SAMD3: variants seen among roughly 807,000 people sequenced by gnomAD.
The protein encoded by SAMD3 is sterile alpha motif domain containing 3.
In SAMD3, 63 loss-of-function variants were observed where a neutral mutation model predicts 58.5. That is an observed-to-expected ratio of 1.08 (90% CI 0.88 to 1.33). The LOEUF (loss-of-function observed/expected upper bound fraction) is 1.33, where lower values mean the gene tolerates loss of function less well. SAMD3 is among the 40% of genes most tolerant of loss of function. SAMD3 has a pLI of 0.00. For synonymous variants in SAMD3, 220 were observed against 210.3 expected, an observed-to-expected ratio of 1.05 and a Z score of -0.40; for missense variants, 604 against 608.4, an observed-to-expected ratio of 0.99 and a Z score of 0.08.
chr6:130,173,722 C>G (rs1470848415), intron 8 of SAMD3, among the ~76,000 whole-genome samples: 3 of 152,230 alleles, frequency 2.0e-5, no homozygotes, highest in Non-Finnish European at 1.5e-5. Context: ...GGGAGAATCC[C>G]TCTTGTCAGA....
intron 1 of SAMD3, among the ~76,000 whole-genome samples, chr6:130,332,472 A>G (rs1776963514): frequency 6.6e-6 from 1 of 152,200 alleles, no homozygotes; most frequent in Admixed American, 6.5e-5. Flanking sequence ...AAGGTGTCAG[A>G]AGTGGGACTG....
chr6:130,267,078 TAC>T (rs1161001522), intron 2 of SAMD3, among the ~76,000 whole-genome samples: 1 of 152,230 alleles, frequency 6.6e-6, no homozygotes, highest in Admixed American at 6.5e-5. Context: ...GACTACTTGC[TAC>T]TGGCTGAAGG....
At chr6:130,199,025 G>A (rs935377000) in intron 5 of SAMD3, among the ~76,000 whole-genome samples, 1 of 152,174 alleles carries the variant, frequency 6.6e-6, no homozygotes, top group African/African-American at 2.4e-5. Flanking sequence ...TTGAGGAACT[G>A]TGATATTTTC....
chr6:130,276,971 A>G (rs1774797775), intron 2 of SAMD3, among the ~76,000 whole-genome samples: 1 of 152,182 alleles, frequency 6.6e-6, no homozygotes, highest in African/African-American at 2.4e-5. Context: ...AAGTAGAGCC[A>G]GTTGGTCACC....
At chr6:130,147,612 T>TA (rs35932879) in intron 9 of SAMD3, among the ~76,000 whole-genome samples, 37,105 of 152,142 alleles carry the variant, frequency 0.24, 4,998 homozygotes, top group East Asian at 0.54. Flanking sequence ...GAGCTGTAGA[T>TA]ACAATGCCCC....
intron 5 of SAMD3, among the ~76,000 whole-genome samples, chr6:130,197,152 C>T (rs967189876): frequency 2.0e-5 from 3 of 152,232 alleles, no homozygotes; most frequent in African/African-American, 7.2e-5. Flanking sequence ...CCTCAGAATG[C>T]TACAAGGTAC....
chr6:130,274,023 C>T (rs1057397156), intron 2 of SAMD3, among the ~76,000 whole-genome samples: 1 of 152,132 alleles, frequency 6.6e-6, no homozygotes, highest in African/African-American at 2.4e-5. Context: ...CTTCAGCATC[C>T]TTTTATTTCA....
chr6:130,170,573 C>T (rs765408991), intron 8 of SAMD3, among the ~76,000 whole-genome samples: 1 of 152,176 alleles, frequency 6.6e-6, no homozygotes, highest in Non-Finnish European at 1.5e-5. Context: ...CTCTTCCTAT[C>T]CATGAGCATG....
chr6:130,155,884 T>G (rs1251751669), intron 8 of SAMD3, among the ~76,000 whole-genome samples: 13 of 152,128 alleles, frequency 8.5e-5, no homozygotes. Flanking sequence ...AAAATAAAAT[T>G]ATCAAAATTA....
At chr6:130,313,588 C>T (rs538021995) in intron 1 of SAMD3, among the ~76,000 whole-genome samples, 1 of 152,190 alleles carries the variant, frequency 6.6e-6, no homozygotes, top group Non-Finnish European at 1.5e-5. Flanking sequence ...AATTCCCTCA[C>T]TTTCTGTGTT....
At chr6:130,305,671 C>T (rs6929826) in intron 2 of SAMD3, among the ~76,000 whole-genome samples, 73,378 of 151,996 alleles carry the variant, frequency 0.48, 21,713 homozygotes, top group African/African-American at 0.84. Flanking sequence ...ATATGGTTTT[C>T]CTCCTTTCAG....
At chr6:130,206,111 T>C (rs913247443) in intron 5 of SAMD3, among the ~76,000 whole-genome samples, 2 of 152,122 alleles carry the variant, frequency 1.3e-5, no homozygotes, top group African/African-American at 4.8e-5. Flanking sequence ...AGGGAAAATA[T>C]TAAAAATAGA....
intron 1 of SAMD3, among the ~76,000 whole-genome samples, chr6:130,321,777 T>C (rs930314868): frequency 2.0e-5 from 3 of 152,008 alleles, no homozygotes; most frequent in African/African-American, 7.3e-5. Context: ...TACGTATATA[T>C]CCATTACATA....
chr6:130,330,830 C>G (rs1776911319), intron 1 of SAMD3, among the ~76,000 whole-genome samples: 1 of 152,170 alleles, frequency 6.6e-6, no homozygotes, highest in Non-Finnish European at 1.5e-5. Flanking sequence ...ACTACAATCT[C>G]TACCACTTAT....
At chr6:130,267,086 G>A (rs1011819400) in intron 2 of SAMD3, among the ~76,000 whole-genome samples, 1 of 152,228 alleles carries the variant, frequency 6.6e-6, no homozygotes, top group African/African-American at 2.4e-5. Flanking sequence ...GCTACTGGCT[G>A]AAGGAGGGGT....
At chr6:130,307,525 T>C (rs1476066241) in intron 2 of SAMD3, among the ~76,000 whole-genome samples, 2 of 152,186 alleles carry the variant, frequency 1.3e-5, no homozygotes, top group African/African-American at 4.8e-5. Flanking sequence ...GAATATTGAT[T>C]TAAGAAACTT....
intron 2 of SAMD3, among the ~76,000 whole-genome samples, chr6:130,288,457 G>GAA (rs56754055): frequency 2.7e-4 from 41 of 151,658 alleles, no homozygotes; most frequent in South Asian, 1.2e-3. Flanking sequence ...AATCACATCT[G>GAA]AAAAAAAATA....
At chr6:130,218,815 A>G (rs1214308907) in intron 1 of SAMD3, among the ~76,000 whole-genome samples, 1 of 152,184 alleles carries the variant, frequency 6.6e-6, no homozygotes, top group Non-Finnish European at 1.5e-5. Context: ...AAAAAAAACC[A>G]GAAAAAAACG....
At chr6:130,166,423 C>T (rs1790742902) in intron 8 of SAMD3, among the ~76,000 whole-genome samples, 1 of 152,074 alleles carries the variant, frequency 6.6e-6, no homozygotes, top group African/African-American at 2.4e-5. Context: ...CGTAATGAAC[C>T]ACTTTCTCAA....
Sources: gnomAD v4.1 joint callset for allele counts (sites outside exome capture counted in the v4.1 genomes callset) on GRCh38, gnomAD v4.1.1 for gene constraint, MANE v1.5 for transcripts, NCBI Gene and HGNC (gene_info 2026-07-23, HGNC 2026-07-21) for gene names.